Variants in SKIC3 observed in about 807,000 individuals in gnomAD.
The protein encoded by SKIC3 is SKI3 subunit of superkiller complex, also known as superkiller complex protein 3.
At chr5:95,492,652 G>GAAAAAAAAAA in the SKIC3 span, among the ~76,000 whole-genome samples, 258 of 48,792 alleles carry the variant, frequency 5.3e-3, 80 homozygotes, top group Non-Finnish European at 6.7e-3. Context: ...AAAAAAAAAA[G>GAAAAAAAAAA]AAAAAAAAAA....
the SKIC3 span, among the ~76,000 whole-genome samples, chr5:95,537,798 C>T: frequency 1.3e-5 from 2 of 152,134 alleles, no homozygotes; most frequent in South Asian, 4.1e-4. Context: ...GCTGGCTACA[C>T]GTTCTGCATT....
At chr5:95,467,487 G>C in the SKIC3 span, among the ~76,000 whole-genome samples, 2 of 152,000 alleles carry the variant, frequency 1.3e-5, no homozygotes, top group Non-Finnish European at 2.9e-5. Flanking sequence ...CCATATAAAG[G>C]CATCTTGTAC....
the SKIC3 span, chr5:95,498,575 G>A: frequency 6.2e-7 from 1 of 1,613,616 alleles, no homozygotes; most frequent in South Asian, 1.1e-5. Context: ...TCTGTGGTTG[G>A]TTCCTTTAAG....
chr5:95,492,674 A>AAAAAAAAAAAAAAAAAAAAAAAAAAG, the SKIC3 span, among the ~76,000 whole-genome samples: 1 of 141,044 alleles, frequency 7.1e-6, no homozygotes, highest in Non-Finnish European at 1.5e-5. Context: ...AAAAAAAAAA[A>AAAAAAAAAAAAAAAAAAAAAAAAAAG]AAAAAAAAAA....
chr5:95,550,446 G>T, the SKIC3 span: 1 of 145,010 alleles, frequency 6.9e-6, no homozygotes, highest in Admixed American at 6.9e-5. Context: ...AAGGTATTTT[G>T]TAATGACCCA....
At chr5:95,485,358 T>C in the SKIC3 span, among the ~76,000 whole-genome samples, 2 of 152,208 alleles carry the variant, frequency 1.3e-5, no homozygotes, top group African/African-American at 4.8e-5. Context: ...CCAATTTGCA[T>C]TTCCACAAAT....
the SKIC3 span, among the ~76,000 whole-genome samples, chr5:95,510,485 C>A: frequency 6.6e-6 from 1 of 152,180 alleles, no homozygotes; most frequent in African/African-American, 2.4e-5. Context: ...TTCTGACCCT[C>A]CCCAAATTGT....
chr5:95,484,865 A>C, the SKIC3 span: 1 of 1,612,534 alleles, frequency 6.2e-7, no homozygotes, highest in Non-Finnish European at 8.5e-7. Flanking sequence ...AAAAATGTCA[A>C]TGTTACTTTC....
At chr5:95,515,405 A>AT in the SKIC3 span, among the ~76,000 whole-genome samples, 1 of 152,158 alleles carries the variant, frequency 6.6e-6, no homozygotes, top group Non-Finnish European at 1.5e-5. Context: ...AACTTCAAAA[A>AT]TATCTAATTT....
At chr5:95,538,369 A>AG in the SKIC3 span, among the ~76,000 whole-genome samples, 1 of 152,182 alleles carries the variant, frequency 6.6e-6, no homozygotes, top group Non-Finnish European at 1.5e-5. Flanking sequence ...CACACAAAAA[A>AG]GAAATCTTAT....
chr5:95,503,998 A>G, the SKIC3 span: 3 of 1,572,266 alleles, frequency 1.9e-6, no homozygotes, highest in Non-Finnish European at 2.6e-6. Context: ...TGTATCATCA[A>G]AATACTGAGA....
the SKIC3 span, among the ~76,000 whole-genome samples, chr5:95,533,372 C>T: frequency 6.6e-6 from 1 of 152,120 alleles, no homozygotes; most frequent in South Asian, 2.1e-4. Context: ...TGTGGGAGGG[C>T]GGCTCAGACT....
chr5:95,540,879 C>A, the SKIC3 span: 5 of 1,588,048 alleles, frequency 3.1e-6, no homozygotes, highest in Non-Finnish European at 4.3e-6. Context: ...TGTAAAAATG[C>A]CAATAAAAAT....
chr5:95,552,956 AAAAATAGAGGAAGATTAACTTCAACTT>A, the SKIC3 span, among the ~76,000 whole-genome samples: 1 of 151,648 alleles, frequency 6.6e-6, no homozygotes, highest in Non-Finnish European at 1.5e-5. Context: ...ATGAATGGTT[AAAAATAGAGGAAGATTAACTTCAACTT>A]AAAATAGGAA....
At chr5:95,554,276 T>C in the SKIC3 span, among the ~76,000 whole-genome samples, 3 of 152,190 alleles carry the variant, frequency 2.0e-5, no homozygotes, top group South Asian at 6.2e-4. Flanking sequence ...ATAACTCCTC[T>C]TTTAACTGTC....
chr5:95,539,677 A>G, the SKIC3 span, among the ~76,000 whole-genome samples: 1 of 151,878 alleles, frequency 6.6e-6, no homozygotes, highest in Non-Finnish European at 1.5e-5. Flanking sequence ...AACCCCATCT[A>G]TACTGAAAAT....
At chr5:95,552,342 C>T in the SKIC3 span, among the ~76,000 whole-genome samples, 1 of 152,196 alleles carries the variant, frequency 6.6e-6, no homozygotes, top group Non-Finnish European at 1.5e-5. Context: ...TGCAACTTAA[C>T]AAATATTATT....
chr5:95,497,359 A>C, the SKIC3 span: 1 of 1,362,756 alleles, frequency 7.3e-7, no homozygotes, highest in Non-Finnish European at 1.0e-6. Flanking sequence ...AAATTATCAT[A>C]TTTACCATAT....
At chr5:95,497,431 A>G in the SKIC3 span, 5 of 1,613,274 alleles carry the variant, frequency 3.1e-6, no homozygotes, top group Non-Finnish European at 2.5e-6. Context: ...CATTTCGTTG[A>G]GCATACTGTG....
Sources: allele counts gnomAD v4.1 joint callset (sites outside exome capture counted in the v4.1 genomes callset), GRCh38; gene constraint gnomAD v4.1.1; transcripts MANE v1.5; gene names NCBI Gene and HGNC (gene_info 2026-07-23, HGNC 2026-07-21).